Variants in SLC36A1 observed in about 807,000 individuals in gnomAD.
The protein encoded by SLC36A1 is proton-coupled amino acid transporter 1.
In SLC36A1, 30 loss-of-function variants were observed where a neutral mutation model predicts 47.5. That is an observed-to-expected ratio of 0.63 (90% CI 0.47 to 0.86). The LOEUF is 0.86. Among genes scored for constraint, SLC36A1 ranks in the 40% least tolerant of loss-of-function variants. SLC36A1 has a pLI of 0.00. For missense variants in SLC36A1, 517 were observed against 606.0 expected (o/e 0.85, Z 1.54); for synonymous variants, 255 against 249.7 (o/e 1.02, Z -0.20).
chr5:151,506,146 T>C, the SLC36A1 span: 1 of 1,489,016 alleles, frequency 6.7e-7, no homozygotes, highest in Middle Eastern at 2.0e-4. Flanking sequence ...CCCCGGAAGG[T>C]TTCAGCTGGC....
At chr5:151,383,422 C>A in the SLC36A1 span, among the ~76,000 whole-genome samples, 3 of 152,156 alleles carry the variant, frequency 2.0e-5, no homozygotes, top group Middle Eastern at 3.4e-3. Flanking sequence ...ATTTGTCATA[C>A]AGCTTGTGAT....
the SLC36A1 span, among the ~76,000 whole-genome samples, chr5:151,513,162 A>C: frequency 6.6e-6 from 1 of 152,246 alleles, no homozygotes; most frequent in South Asian, 2.1e-4. Context: ...TGCAGAAGTA[A>C]ATATGAGAAG....
chr5:151,392,767 C>T, the SLC36A1 span, among the ~76,000 whole-genome samples: 1 of 152,122 alleles, frequency 6.6e-6, no homozygotes, highest in African/African-American at 2.4e-5. Flanking sequence ...GTCTGAGAGA[C>T]AGTTTGTTAT....
the SLC36A1 span, chr5:151,529,149 C>G: frequency 6.2e-7 from 1 of 1,602,694 alleles, no homozygotes; most frequent in Non-Finnish European, 8.5e-7. Flanking sequence ...AGTTCTTGTC[C>G]CACAAAGAGC....
the SLC36A1 span, among the ~76,000 whole-genome samples, chr5:151,521,123 G>A: frequency 6.6e-6 from 1 of 152,226 alleles, no homozygotes; most frequent in Non-Finnish European, 1.5e-5. Context: ...GATTTTGTGA[G>A]GCCACTAGCC....
At chr5:151,433,256 A>C (rs1561705042), upstream of SLC36A1, among the ~76,000 whole-genome samples, 1 of 15,706 alleles carries the variant, frequency 6.4e-5, no homozygotes, top group Non-Finnish European at 1.2e-4. Flanking sequence ...ATATATATAT[A>C]TATATATATA....
chr5:151,371,417 C>T, the SLC36A1 span, among the ~76,000 whole-genome samples: 2 of 152,220 alleles, frequency 1.3e-5, no homozygotes, highest in African/African-American at 4.8e-5. Context: ...TAGACACACA[C>T]ATATTCACTT....
the SLC36A1 span, among the ~76,000 whole-genome samples, chr5:151,384,696 G>A: frequency 4.1e-4 from 63 of 152,194 alleles, no homozygotes; most frequent in African/African-American, 1.4e-3. Flanking sequence ...AAATACCTTC[G>A]GAGATCGGGC....
the SLC36A1 span, among the ~76,000 whole-genome samples, chr5:151,516,978 T>G: frequency 1.3e-5 from 2 of 152,054 alleles, no homozygotes; most frequent in East Asian, 3.9e-4. Context: ...CATGGTGGTG[T>G]GTGCCTGTAA....
the SLC36A1 span, among the ~76,000 whole-genome samples, chr5:151,537,211 GGAA>G: frequency 5.1e-5 from 7 of 135,988 alleles, no homozygotes; most frequent in African/African-American, 1.7e-4. Flanking sequence ...AAGAAGAAGA[GGAA>G]GAAGAAGAGG....
chr5:151,512,710 G>A, the SLC36A1 span: 1 of 1,109,144 alleles, frequency 9.0e-7, no homozygotes, highest in Non-Finnish European at 1.3e-6. This position sits in a 1 kb window ranked among gnomAD's most constrained non-coding sequence, Gnocchi z 4.1. Flanking sequence ...TTATGGGTAG[G>A]AGGGGGGTGT....
the SLC36A1 span, among the ~76,000 whole-genome samples, chr5:151,384,577 C>A: frequency 6.6e-6 from 1 of 152,114 alleles, no homozygotes; most frequent in Non-Finnish European, 1.5e-5. Context: ...TTTTGATTTT[C>A]ACTTATAAAG....
downstream of SLC36A1, among the ~76,000 whole-genome samples, chr5:151,495,888 A>G (rs1395710312): frequency 1.3e-5 from 2 of 152,116 alleles, no homozygotes; most frequent in East Asian, 1.9e-4. Flanking sequence ...GTAGGGTTCC[A>G]TGGTACTGAT....
At chr5:151,554,671 C>T in the SLC36A1 span, 9 of 1,608,960 alleles carry the variant, frequency 5.6e-6, no homozygotes, top group Non-Finnish European at 7.6e-6. Context: ...CCAGCACAGT[C>T]ACCTGGGAGC....
the SLC36A1 span, chr5:151,551,669 T>C: frequency 6.3e-7 from 1 of 1,575,552 alleles, no homozygotes; most frequent in South Asian, 1.1e-5. Context: ...TAGCATAAGA[T>C]AGGCTTTGGT....
At chr5:151,501,557 C>T in the SLC36A1 span, among the ~76,000 whole-genome samples, 22 of 148,206 alleles carry the variant, frequency 1.5e-4, no homozygotes, top group Non-Finnish European at 5.9e-5. Context: ...GCTGGGATTA[C>T]AGGTGTGAGC....
chr5:151,521,438 G>A, the SLC36A1 span: 14 of 1,614,068 alleles, frequency 8.7e-6, no homozygotes, highest in Admixed American at 3.3e-5. Flanking sequence ...ATAGCTGACC[G>A]CATCTGAACC....
chr5:151,484,982 C>T (rs545942350), intron 10 of SLC36A1, among the ~76,000 whole-genome samples: 25 of 152,130 alleles, frequency 1.6e-4, no homozygotes, highest in Non-Finnish European at 2.6e-4. Context: ...GAGACCCAGA[C>T]CCCAGAGAGG....
chr5:151,433,231 TA>T (rs1759481247), upstream of SLC36A1, among the ~76,000 whole-genome samples: 2 of 6,680 alleles, frequency 3.0e-4, no homozygotes, highest in East Asian at 4.3e-3. Context: ...CATATATATA[TA>T]TATATATATA....
Sources: gnomAD v4.1 joint callset for allele counts (sites outside exome capture counted in the v4.1 genomes callset) on GRCh38, gnomAD v4.1.1 for gene constraint, Gnocchi (gnomAD v3.1) non-coding constraint, MANE v1.5 for transcripts, NCBI Gene and HGNC (gene_info 2026-07-23, HGNC 2026-07-21) for gene names.